CDH4: variants seen among roughly 807,000 people sequenced by gnomAD.
The protein encoded by CDH4 is cadherin-4.
In CDH4, 33 loss-of-function variants were observed where a neutral mutation model predicts 86.0. The observed-to-expected ratio is 0.38, with a 90% CI of 0.29 to 0.51. CDH4 has a LOEUF of 0.51. Ranked by LOEUF, CDH4 falls within the 20% of genes least tolerant of loss-of-function variation. The pLI is 0.86. For missense variants in CDH4, 1,114 were observed against 1,307.4 expected (o/e 0.85, Z 2.28); for synonymous variants, 555 against 549.4 (o/e 1.01, Z -0.14).
chr20:61,554,756 TATATGTGC>T (rs753569858), intron 2 of CDH4, among the ~76,000 whole-genome samples: 14 of 152,364 alleles, frequency 9.2e-5, no homozygotes, highest in Admixed American at 1.3e-4. Flanking sequence ...TGCATGAACA[TATATGTGC>T]ATATGTGCAT....
intron 2 of CDH4, among the ~76,000 whole-genome samples, chr20:61,699,118 G>A (rs186227448): frequency 1.3e-5 from 2 of 152,364 alleles, no homozygotes; most frequent in African/African-American, 2.4e-5. Flanking sequence ...CCTCGGCCAT[G>A]GACATGATTT....
chr20:61,630,779 C>A, intron 2 of CDH4, among the ~76,000 whole-genome samples: 1 of 152,196 alleles, frequency 6.6e-6, no homozygotes, highest in Non-Finnish European at 1.5e-5. Flanking sequence ...AAATGACTCT[C>A]TGGGTAGAAA....
intron 2 of CDH4, among the ~76,000 whole-genome samples, chr20:61,344,171 A>C (rs1024010235): frequency 5.3e-5 from 8 of 152,102 alleles, no homozygotes; most frequent in Non-Finnish European, 1.0e-4. Flanking sequence ...GCTGGCCTCG[A>C]AGGGCGAGTG....
At chr20:61,731,310 C>T (rs6061773) in intron 2 of CDH4, among the ~76,000 whole-genome samples, 48,188 of 152,036 alleles carry the variant, frequency 0.32, 7,907 homozygotes, top group South Asian at 0.43. Context: ...TCACACGTGC[C>T]CAGTCAGGTT....
intron 4 of CDH4, among the ~76,000 whole-genome samples, chr20:61,801,940 C>T (rs999463308): frequency 2.6e-5 from 4 of 152,222 alleles, no homozygotes; most frequent in African/African-American, 9.6e-5. Flanking sequence ...TTCACTGGTC[C>T]CAGGATGAGA....
In CDH4 at chr20:61,518,359, G is replaced by A. The variant is rs1456586264; in HGVS notation, c.170-225204G>A. On this transcript the variant is annotated intron_variant, in intron 2 of 15. Coordinates refer to ENST00000614565, the MANE Select transcript of CDH4 (RefSeq NM_001794.5). This position sits in a 1 kb window ranked among gnomAD's most constrained non-coding sequence, Gnocchi z 6.3. ...TAAGTCTGTTCCACCTAAAGGAAAG[G>A]TACGTTATCAGATAGGCTGGAATTT... Among the ~76,000 whole-genome samples the A allele has an allele frequency of 6.6e-6, 1 of 152,156 alleles. No individual in the cohort carries two copies. Among genetic ancestry groups the A allele is most frequent in the African/African-American group, 2.4e-5 (1 of 41,438 alleles).
At chr20:61,664,593 C>G (rs563433213) in intron 2 of CDH4, among the ~76,000 whole-genome samples, 3 of 152,382 alleles carry the variant, frequency 2.0e-5, no homozygotes, top group East Asian at 3.9e-4. Context: ...GACCCAGGAG[C>G]AGGTCTTGCC....
In CDH4 at chr20:61,783,116, A is replaced by G. The variant is rs567522892; in HGVS notation, c.576+9934A>G. On this transcript the variant is annotated intron_variant, in intron 4 of 15. Coordinates refer to ENST00000614565, the MANE Select transcript of CDH4 (RefSeq NM_001794.5). Reference sequence around the variant, plus strand: ...AAAGAATTTCTTTATATATGCGTCAATGAAAACTGTTAGTCACCAGATTGT... The same window carrying G: ...AAAGAATTTCTTTATATATGCGTCAGTGAAAACTGTTAGTCACCAGATTGT... Among the ~76,000 whole-genome samples, 13 of 152,380 alleles carry G rather than the reference A, an allele frequency of 8.5e-5. No individual in the cohort carries two copies. In the East Asian group the frequency reaches 1.2e-3, roughly 14 times the overall value.
intron 2 of CDH4, among the ~76,000 whole-genome samples, chr20:61,592,930 G>A (rs1201459421): frequency 6.6e-6 from 1 of 152,172 alleles, no homozygotes; most frequent in African/African-American, 2.4e-5. Context: ...TGGGGGTGAC[G>A]AAGTTTAGGA....
chr20:61,266,778 C>T lies in CDH4; in HGVS notation c.169+11841C>T, dbSNP rs186214580. Among the ~76,000 whole-genome samples, 3 of 152,208 alleles carry T rather than the reference C, an allele frequency of 2.0e-5. No homozygotes were observed. In the East Asian group the frequency reaches 5.8e-4, roughly 30 times the overall value. On this transcript the variant is annotated intron_variant, in intron 2 of 15. Coordinates refer to ENST00000614565, the MANE Select transcript of CDH4 (RefSeq NM_001794.5). Reference sequence around the variant, plus strand: ...TGCTAAACTCGCCAGCCCCGTGGGTCCTATCCCAGACCTACTGGAGGGTGC... The same window carrying T: ...TGCTAAACTCGCCAGCCCCGTGGGTTCTATCCCAGACCTACTGGAGGGTGC...
intron 9 of CDH4, among the ~76,000 whole-genome samples, chr20:61,917,592 G>A (rs1484228845): frequency 6.6e-6 from 1 of 152,196 alleles, no homozygotes; most frequent in African/African-American, 2.4e-5. Context: ...GGAAGCTCCT[G>A]AGCCTCCCAT....
chr20:61,458,954 C>CTTT (rs201562406), intron 2 of CDH4, among the ~76,000 whole-genome samples: 1 of 142,974 alleles, frequency 7.0e-6, no homozygotes, highest in South Asian at 2.3e-4. Flanking sequence ...GCTATCCCCA[C>CTTT]TTTTTTTTTT....
Position 61,936,784 on chromosome 20 carries a change from C to T in CDH4, c.2592C>T (p.Ser864=). The change falls in exon 16 of 16, where the codon TCC becomes TCT. Residue 864 remains serine (S), a synonymous_variant. Transcript: ENST00000614565. ...ACCCCACGGCACCCCCCTATGACTC[C>T]CTGCTGGTCTTCGACTACGAGGGGA... ...DNDPTAPPYD[S]LLVFDYEGSG... The T allele has an allele frequency of 1.9e-6, 3 of 1,610,520 alleles. No homozygotes were observed. The highest frequency in any genetic ancestry group is 2.5e-6 in the Non-Finnish European group (3 of 1,179,090).
chr20:61,454,848 C>CG (rs1326153533), intron 2 of CDH4, among the ~76,000 whole-genome samples: 3 of 152,084 alleles, frequency 2.0e-5, no homozygotes, highest in Non-Finnish European at 4.4e-5. Flanking sequence ...TTCCCCACTA[C>CG]GGGGGGCAGT....
At chr20:61,587,247 G>A (rs2086484458) in intron 2 of CDH4, among the ~76,000 whole-genome samples, 1 of 152,112 alleles carries the variant, frequency 6.6e-6, no homozygotes, top group Admixed American at 6.5e-5. Context: ...AGCGCTTGAA[G>A]GGGGGCCACT....
At chr20:61,520,053 TC>T (rs1394619515) in intron 2 of CDH4, among the ~76,000 whole-genome samples, 1 of 152,168 alleles carries the variant, frequency 6.6e-6, no homozygotes, top group African/African-American at 2.4e-5. Context: ...CTATTGACTA[TC>T]CATTGATCTG....
At position 61,516,044 on chromosome 20, in the gene CDH4, C is replaced by A. The variant is rs1020721275; in HGVS notation, c.170-227519C>A. On this transcript the variant is annotated intron_variant, in intron 2 of 15. Transcript: ENST00000614565. The surrounding 1 kb of genome is among the most constrained non-coding windows in gnomAD (Gnocchi z 4.0). ...TCCCCTGGGCTCTGGAACGCCCCCCCAATACGATTCCACCGCAGGCAGGCA... is the reference window on the plus strand; with the variant it reads ...TCCCCTGGGCTCTGGAACGCCCCCCAAATACGATTCCACCGCAGGCAGGCA... Among the ~76,000 whole-genome samples, 8 of 152,126 alleles carry A rather than the reference C, an allele frequency of 5.3e-5. No homozygotes were observed. Among genetic ancestry groups the A allele is most frequent in the African/African-American group, 1.9e-4 (8 of 41,426 alleles).
chr20:61,938,193 G>C lies in CDH4; in HGVS notation c.*1250G>C, dbSNP rs1412075255. The stretch of plus-strand genomic sequence containing the variant: ...TCCTATGGACCCTCGTCGGGGGCAG[G>C]CAGCGGCCGGGTCCAAACTTGCTGC... On this transcript the variant is annotated 3_prime_UTR_variant, in exon 16 of 16. Coordinates refer to ENST00000614565, the MANE Select transcript of CDH4 (RefSeq NM_001794.5). 6.6e-6 allele frequency: 1 copy of C among 152,346 alleles called. No individual in the cohort carries two copies. Among genetic ancestry groups the C allele is most frequent in the Non-Finnish European group, 1.5e-5 (1 of 68,128 alleles). 9.4% of individuals were successfully genotyped at this position (152,346 alleles called of 1,614,324 possible).
intron 2 of CDH4, among the ~76,000 whole-genome samples, chr20:61,451,514 T>C (rs2085380462): frequency 6.6e-6 from 1 of 152,196 alleles, no homozygotes; most frequent in African/African-American, 2.4e-5. Context: ...AGAAAATGCT[T>C]CTGGGGCAAA....
Sources: gnomAD v4.1 joint callset for allele counts (sites outside exome capture counted in the v4.1 genomes callset) on GRCh38, gnomAD v4.1.1 for gene constraint, Gnocchi (gnomAD v3.1) non-coding constraint, MANE v1.5 for transcripts, NCBI Gene and HGNC (gene_info 2026-07-23, HGNC 2026-07-21) for gene names.